ABCA13: variants seen among roughly 807,000 people sequenced by gnomAD.
ABCA13 encodes the protein ATP-binding cassette sub-family A member 13.
In ABCA13, 476 loss-of-function variants were observed where a neutral mutation model predicts 478.7. That is an observed-to-expected ratio of 0.99 (90% CI 0.92 to 1.07). ABCA13 has a LOEUF of 1.07. Ranked by LOEUF, ABCA13 falls within the 50% of genes least tolerant of loss-of-function variation. The probability of loss-of-function intolerance (pLI) is 0.00; values close to 1 mark genes in which losing one functional copy is unlikely to be tolerated. For synonymous variants in ABCA13, 2,252 were observed against 2,158.9 expected, an observed-to-expected ratio of 1.04 and a Z score of -1.20; for missense variants, 6,060 against 5,910.6, an observed-to-expected ratio of 1.03 and a Z score of -0.83.
intron 42 of ABCA13, 127 bp downstream of exon 42, chr7:48,427,998 G>T (rs904361646): frequency 1.2e-5 from 7 of 560,916 alleles, no homozygotes; most frequent in African/African-American, 1.1e-4. Context: ...AGTGTATAGT[G>T]AGGGGGCAAG....
chr7:48,287,075 G>A (rs557500888), intron 19 of ABCA13, among the ~76,000 whole-genome samples: 87 of 141,616 alleles, frequency 6.1e-4, no homozygotes, highest in African/African-American at 2.6e-3. Flanking sequence ...CTGCGCAGCA[G>A]GGAGGGGAGG....
At chr7:48,405,330 G>T (rs1039937694) in intron 39 of ABCA13, among the ~76,000 whole-genome samples, 2 of 152,206 alleles carry the variant, frequency 1.3e-5, no homozygotes, top group Non-Finnish European at 2.9e-5. Context: ...GTGCCATGTG[G>T]TTTTGGTTGA....
intron 34 of ABCA13, 142 bp from the exon 35 acceptor site, chr7:48,376,299 T>C (rs1813469935): frequency 2.2e-6 from 2 of 926,964 alleles, no homozygotes; most frequent in African/African-American, 3.3e-5. Context: ...CATGAAAAGT[T>C]ATGGCCAGTG....
At chr7:48,362,643 G>C (rs117812100) in intron 31 of ABCA13, among the ~76,000 whole-genome samples, 5,564 of 150,834 alleles carry the variant, frequency 0.037, 124 homozygotes, top group South Asian at 0.058. Flanking sequence ...TTTCTTTTAA[G>C]CTAATATTTA....
chr7:48,300,167 C>A (rs1024021578), intron 23 of ABCA13, among the ~76,000 whole-genome samples: 4 of 152,206 alleles, frequency 2.6e-5, no homozygotes, highest in African/African-American at 9.7e-5. Context: ...TCTTATCTTT[C>A]TTCCTGGGTT....
Position 48,341,441 on chromosome 7 carries a change from T to C in ABCA13, c.10204+2986T>C, listed in dbSNP as rs181386013. Reference sequence around the variant, plus strand: ...ATTTTTGTTTTGTTGTCATGTTTTGTGGGTTCATATTAATCAGTGTAGTCT... The same window carrying C: ...ATTTTTGTTTTGTTGTCATGTTTTGCGGGTTCATATTAATCAGTGTAGTCT... On this transcript the variant is annotated intron_variant, in intron 29 of 61. Transcript: ENST00000435803. 1.5e-4 allele frequency among the ~76,000 whole-genome samples: 23 copies of C among 152,254 alleles called. No individual in the cohort carries two copies. In the East Asian group the frequency reaches 4.1e-3, roughly 27 times the overall value.
intron 45 of ABCA13, among the ~76,000 whole-genome samples, chr7:48,478,545 A>G (rs1165537210): frequency 6.6e-6 from 1 of 152,136 alleles, no homozygotes; most frequent in East Asian, 1.9e-4. Flanking sequence ...AAGTTTATAT[A>G]TCATCTCAAG....
chr7:48,336,477 G>T (rs760532153), intron 28 of ABCA13, among the ~76,000 whole-genome samples: 2 of 152,190 alleles, frequency 1.3e-5, no homozygotes, highest in African/African-American at 4.8e-5. Context: ...GAGGGAGAGG[G>T]TCGGGTGGAA....
intron 4 of ABCA13, among the ~76,000 whole-genome samples, chr7:48,220,261 G>A (rs1787175084): frequency 6.6e-6 from 1 of 152,040 alleles, no homozygotes; most frequent in African/African-American, 2.4e-5. Flanking sequence ...TGCCTATTGT[G>A]ATATTTGTTA....
intron 55 of ABCA13, among the ~76,000 whole-genome samples, chr7:48,569,199 G>A (rs904766329): frequency 6.6e-6 from 1 of 151,852 alleles, no homozygotes; most frequent in African/African-American, 2.4e-5. Context: ...TAATGTAAAT[G>A]GCTAGGTTAT....
intron 52 of ABCA13, among the ~76,000 whole-genome samples, chr7:48,518,090 G>T (rs567768830): frequency 1.8e-4 from 28 of 152,250 alleles, no homozygotes; most frequent in African/African-American, 6.7e-4. Context: ...ATCTATTTTG[G>T]TGATTTTTAC....
intron 1 of ABCA13, among the ~76,000 whole-genome samples, chr7:48,178,345 T>A (rs982604709): frequency 6.6e-6 from 1 of 152,190 alleles, no homozygotes; most frequent in African/African-American, 2.4e-5. Flanking sequence ...GCGGTGAGCA[T>A]CTCTTTTGTC....
chr7:48,412,666 G>T (rs746856602), intron 41 of ABCA13, 83 bp downstream of exon 41: 11 of 1,129,150 alleles, frequency 9.7e-6, no homozygotes, highest in Non-Finnish European at 1.3e-5. Context: ...GGGTAAAGGG[G>T]GGGAGATGTG....
At chr7:48,387,587 G>A (rs145755664) in intron 35 of ABCA13, among the ~76,000 whole-genome samples, 39 of 152,274 alleles carry the variant, frequency 2.6e-4, no homozygotes, top group African/African-American at 9.4e-4. Flanking sequence ...AAGTCTTGGG[G>A]GAAGTGGCTG....
chr7:48,643,787 T>A (rs927660708), intron 60 of ABCA13, among the ~76,000 whole-genome samples: 5 of 152,226 alleles, frequency 3.3e-5, no homozygotes, highest in Admixed American at 6.5e-5. Context: ...AATAGCCCTA[T>A]GCTTGAGATC....
At chr7:48,467,668 G>A (rs956107903) in intron 44 of ABCA13, among the ~76,000 whole-genome samples, 14 of 152,056 alleles carry the variant, frequency 9.2e-5, no homozygotes, top group South Asian at 6.2e-4. Flanking sequence ...AAATTAATAC[G>A]GAATATGGCC....
intron 41 of ABCA13, among the ~76,000 whole-genome samples, chr7:48,419,585 CT>C (rs887088805): frequency 1.6e-4 from 24 of 152,108 alleles, no homozygotes; most frequent in African/African-American, 5.6e-4. Flanking sequence ...GATTCATGTT[CT>C]TGCTGTTAGT....
chr7:48,372,515 T>TAAA lies in ABCA13; in HGVS notation c.11133+34_11133+36dup, dbSNP rs11357239. The TAAA allele has an allele frequency of 4.0e-4, 482 of 1,193,118 alleles. No homozygotes were observed. The highest frequency in any genetic ancestry group is 1.1e-3 in the South Asian group (59 of 55,656). The allele number at this position is 1,193,118 out of a possible 1,614,324, so 73.9% of individuals were successfully genotyped here. On this transcript the variant is annotated intron_variant, in intron 33 of 61. Transcript: ENST00000435803. ...CATTTCTGGTAAGTAAGTTGTTTTG[T>TAAA]AAAAAAAAAAAAAAAAAACAACAAA... is the stretch of plus-strand genomic sequence containing the variant.
At chr7:48,557,151 A>T (rs969631283) in intron 55 of ABCA13, among the ~76,000 whole-genome samples, 15 of 151,968 alleles carry the variant, frequency 9.9e-5, no homozygotes, top group Non-Finnish European at 2.2e-4. Context: ...TGTACTATCT[A>T]TGTCTTCAAA....
Sources: allele counts gnomAD v4.1 joint callset (sites outside exome capture counted in the v4.1 genomes callset), GRCh38; gene constraint gnomAD v4.1.1; transcripts MANE v1.5; gene names NCBI Gene and HGNC (gene_info 2026-07-23, HGNC 2026-07-21).